The following ITGAM variants were observed in gnomAD, a reference collection of about 807,000 sequenced individuals.
ITGAM encodes integrin subunit alpha M.
ITGAM carries 79 observed loss-of-function variants against 137.5 expected under a neutral mutation model. The ratio of observed to expected loss-of-function variants is 0.57; its 90% CI spans 0.48 to 0.69. ITGAM has a LOEUF of 0.69. Ranked by LOEUF, ITGAM falls within the 30% of genes least tolerant of loss-of-function variation. The probability of loss-of-function intolerance (pLI) is 0.00; values close to 1 mark genes in which losing one functional copy is unlikely to be tolerated. For missense variants in ITGAM, 1,343 were observed against 1,483.5 expected (o/e 0.91, Z 1.56); for synonymous variants, 583 against 592.3 (o/e 0.98, Z 0.23).
intron 6 of ITGAM, 139 bp from the exon 7 acceptor site, chr16:31,271,708 T>C: frequency 9.8e-7 from 1 of 1,017,646 alleles, no homozygotes; most frequent in Admixed American, 2.4e-5. Flanking sequence ...CTCTCCGTCC[T>C]GGTGAGGCAG....
chr16:31,292,170 G>T (rs2080093415), intron 12 of ITGAM, among the ~76,000 whole-genome samples: 2 of 151,858 alleles, frequency 1.3e-5, no homozygotes, highest in African/African-American at 4.8e-5. Flanking sequence ...GTATCCAAAA[G>T]AATTTTGAAA....
In ITGAM at chr16:31,303,562, C is replaced by T. The variant is rs541519318; in HGVS notation, c.1707+5608C>T. On this transcript the variant is annotated intron_variant, in intron 14 of 29. Coordinates refer to ENST00000544665, the MANE Select transcript of ITGAM (RefSeq NM_000632.4). ...TTTAGTGCACCTGTCATCAAAGCAG[C>T]GTACACTGTACCAAATATATAGTCT... Among the ~76,000 whole-genome samples the T allele has an allele frequency of 6.6e-5, 10 of 152,226 alleles. No individual in the cohort carries two copies. The South Asian group carries it at 2.1e-3, about 32-fold the overall frequency.
At position 31,321,257 on chromosome 16, in the gene ITGAM, A is replaced by C; in HGVS notation, c.1724A>C (p.Lys575Thr). The change falls in exon 15 of 30, where the codon AAG becomes ACG. Residue 575 changes from lysine to threonine, a missense_variant. Transcript: ENST00000544665. The stretch of plus-strand genomic sequence containing the variant: ...TACCCTCAGCGGATAGCAGGCTCCA[A>C]GCTCTCTCCCAGGCTCCAGTATTTT... ...PSHSQRIAGS[K>T]LSPRLQYFGQ... is the part of the protein sequence containing the mutation. The C allele has an allele frequency of 1.2e-6, 2 of 1,613,832 alleles. No homozygotes were observed. Among genetic ancestry groups the C allele is most frequent in the Non-Finnish European group, 1.7e-6 (2 of 1,179,850 alleles).
chr16:31,277,120 C>G (rs1377757980), intron 11 of ITGAM, 71 bp downstream of exon 11: 1 of 1,378,510 alleles, frequency 7.3e-7, no homozygotes, highest in Non-Finnish European at 9.9e-7. Flanking sequence ...GCATAGATGT[C>G]TGGGTCTTGA....
rs184876093 is a variant in ITGAM at position 31,309,616 on chromosome 16, T to G, written c.1708-11625T>G. ...CTTGACTCTTTATCCAATTTGCCAG[T>G]CTGTGCCTTTTAATTGGAACATTAA... On this transcript the variant is annotated intron_variant, in intron 14 of 29. Coordinates refer to ENST00000544665, the MANE Select transcript of ITGAM (RefSeq NM_000632.4). Among the ~76,000 whole-genome samples the G allele has an allele frequency of 3.7e-3, 566 of 152,322 alleles. 7 individuals carry two copies. Among genetic ancestry groups the G allele is most frequent in the African/African-American group, 0.012 (519 of 41,568 alleles).
intron 23 of ITGAM, among the ~76,000 whole-genome samples, chr16:31,328,725 G>C (rs1303688107): frequency 7.0e-6 from 1 of 143,210 alleles, no homozygotes; most frequent in African/African-American, 2.6e-5. Flanking sequence ...TGTGTGCCTG[G>C]GTGTGTATTT....
At position 31,297,484 on chromosome 16, in the gene ITGAM, G is replaced by A. The variant is rs753596830; in HGVS notation, c.1357-30G>A. ...TCCACATCTGCTTTAGGTGGGAAGAGGTGTGTGATTACGGTCCTGTCTCTT... is the reference window on the plus strand; with the variant it reads ...TCCACATCTGCTTTAGGTGGGAAGAAGTGTGTGATTACGGTCCTGTCTCTT... On this transcript the variant is annotated intron_variant, in intron 12 of 29. Transcript: ENST00000544665. 4.0e-5 allele frequency: 65 copies of A among 1,611,630 alleles called. No individual in the cohort carries two copies. The East Asian group carries it at 1.0e-3, about 25-fold the overall frequency.
intron 6 of ITGAM, among the ~76,000 whole-genome samples, chr16:31,271,438 C>T (rs554718972): frequency 1.2e-4 from 18 of 152,286 alleles, no homozygotes; most frequent in African/African-American, 3.1e-4. Flanking sequence ...CTGCAACCTC[C>T]GCCTCCCGGG....
intron 1 of ITGAM, among the ~76,000 whole-genome samples, chr16:31,260,670 CG>C (rs1567243085): frequency 1.3e-5 from 2 of 152,058 alleles, no homozygotes; most frequent in African/African-American, 2.4e-5. Flanking sequence ...GTTGTGACAC[CG>C]GGGGAAGAAG....
rs2079833126 is a variant in ITGAM at position 31,270,990 on chromosome 16, T to C, written c.464T>C (p.Ile155Thr). 6 of 1,586,126 alleles carry C rather than the reference T, an allele frequency of 3.8e-6. No individual in the cohort carries two copies. Among genetic ancestry groups the C allele is most frequent in the Admixed American group, 1.7e-5 (1 of 58,294 alleles). ...PQEDSDIAFL[I>T]DGSGSIIPHD... ...GAGGATAGTGACATTGCCTTCTTGA[T>C]TGATGGCTCTGGTAGCATCATCCCA... Residue 155 changes from isoleucine to threonine, a missense_variant, in exon 6 of 30, where the codon ATT becomes ACT. Physicochemically the swap from Ile to Thr is moderately conservative, Grantham distance 89. Coordinates refer to ENST00000544665, the MANE Select transcript of ITGAM (RefSeq NM_000632.4).
In ITGAM at chr16:31,328,992, A is replaced by G. The variant is rs1005445931; in HGVS notation, c.2793-236A>G. The stretch of plus-strand genomic sequence containing the variant: ...TCTGAGGGTCTGTGTGCATGTGTGT[A>G]TGTGCTCATGGGTGTGCATTTGTGC... On this transcript the variant is annotated intron_variant, in intron 23 of 29. Transcript: ENST00000544665. 3 of 597,200 alleles carry G rather than the reference A, an allele frequency of 5.0e-6. No homozygotes were observed. In the African/African-American group the frequency reaches 5.6e-5, roughly 11 times the overall value. The allele number at this position is 597,200 out of a possible 1,614,324, so 37.0% of individuals were successfully genotyped here.
At chr16:31,311,649 G>A (rs2080333073) in intron 14 of ITGAM, among the ~76,000 whole-genome samples, 1 of 152,186 alleles carries the variant, frequency 6.6e-6, no homozygotes, top group Non-Finnish European at 1.5e-5. Flanking sequence ...GTGTTGGAGA[G>A]GATGTGGAGA....
chr16:31,265,947 TG>T, intron 4 of ITGAM, 66 bp downstream of exon 4: 1 of 1,593,508 alleles, frequency 6.3e-7, no homozygotes. Flanking sequence ...ATGGTGGGGC[TG>T]GGGGTCTTGT....
intron 16 of ITGAM, among the ~76,000 whole-genome samples, chr16:31,322,147 C>A (rs1302791600): frequency 6.6e-6 from 1 of 152,070 alleles, no homozygotes. Flanking sequence ...AAGAATTGTA[C>A]CCTCTTTAAA....
intron 7 of ITGAM, among the ~76,000 whole-genome samples, chr16:31,273,048 C>T (rs74964861): frequency 2.0e-3 from 297 of 152,074 alleles, no homozygotes; most frequent in Non-Finnish European, 2.9e-3. Context: ...CCAGTAATGT[C>T]AGCACTTTAG....
intron 14 of ITGAM, among the ~76,000 whole-genome samples, chr16:31,298,204 CAAA>C (rs61202942): frequency 6.4e-5 from 5 of 77,820 alleles, no homozygotes; most frequent in African/African-American, 1.5e-4. Flanking sequence ...CCCATCTCTC[CAAA>C]AAAAAAAAAA....
At chr16:31,271,687 G>A (rs1272198607) in intron 6 of ITGAM, among the ~76,000 whole-genome samples, 160 bp from the exon 7 acceptor site, 1 of 152,184 alleles carries the variant, frequency 6.6e-6, no homozygotes, top group Non-Finnish European at 1.5e-5. Flanking sequence ...AGAGATGGGA[G>A]CTGCTGGCAG....
intron 23 of ITGAM, among the ~76,000 whole-genome samples, chr16:31,328,753 TC>T (rs1423369837): frequency 2.0e-5 from 3 of 147,476 alleles, no homozygotes; most frequent in Non-Finnish European, 3.0e-5. Flanking sequence ...TGTCTGAAGG[TC>T]TATGTGCATG....
At chr16:31,278,191 CA>C in intron 12 of ITGAM, 82 bp downstream of exon 12, 1 of 1,406,812 alleles carries the variant, frequency 7.1e-7, no homozygotes, top group Non-Finnish European at 9.7e-7. Context: ...ATTCAGATGA[CA>C]TGCATGGCCC....
Sources: allele counts gnomAD v4.1 joint callset (sites outside exome capture counted in the v4.1 genomes callset), GRCh38; gene constraint gnomAD v4.1.1; transcripts MANE v1.5; gene names NCBI Gene and HGNC (gene_info 2026-07-23, HGNC 2026-07-21).